The following IL1RAPL1 variants were observed in gnomAD, a reference collection of about 807,000 sequenced individuals.
IL1RAPL1 encodes the protein interleukin-1 receptor accessory protein-like 1.
In IL1RAPL1, 3 loss-of-function variants were observed where a neutral mutation model predicts 48.4. The ratio of observed to expected loss-of-function variants is 0.06; its 90% confidence interval spans 0.03 to 0.16. The LOEUF (loss-of-function observed/expected upper bound fraction) is 0.16. Ranked by LOEUF, IL1RAPL1 falls within the 10% of genes least tolerant of loss-of-function variation. IL1RAPL1 has a pLI of 1.00. For synonymous variants in IL1RAPL1, 185 were observed against 187.7 expected (o/e 0.99, Z 0.12); for missense variants, 349 against 530.6 (o/e 0.66, Z 3.36).
chrX:29,478,241 A>C (rs951677066), intron 5 of IL1RAPL1, among the ~76,000 whole-genome samples: 1 of 112,403 alleles, frequency 8.9e-6, no homozygotes, highest in Non-Finnish European at 1.9e-5. Flanking sequence ...TCTATTTCAG[A>C]AAACGTCAGC....
chrX:28,714,230 A>C (rs945845666), intron 1 of IL1RAPL1, among the ~76,000 whole-genome samples: 1 of 111,456 alleles, frequency 9.0e-6, no homozygotes. Flanking sequence ...CATTTTTCCA[A>C]CTTACACCTT....
intron 3 of IL1RAPL1, among the ~76,000 whole-genome samples, chrX:29,337,239 A>G (rs759985405): frequency 2.0e-4 from 22 of 112,107 alleles, no homozygotes; most frequent in Non-Finnish European, 3.8e-4. Flanking sequence ...AATTATATGC[A>G]TTTTAATGTT....
intron 6 of IL1RAPL1, among the ~76,000 whole-genome samples, chrX:29,804,527 T>C (rs762933553): frequency 7.2e-5 from 8 of 111,414 alleles, no homozygotes; most frequent in African/African-American, 9.8e-5. Flanking sequence ...TCTTGAAATC[T>C]GATGATTTTA....
At chrX:29,332,095 C>CTTTTTTTTTTTTTTTTTTT (rs72360733) in intron 3 of IL1RAPL1, among the ~76,000 whole-genome samples, 3 of 27,889 alleles carry the variant, frequency 1.1e-4, no homozygotes, top group African/African-American at 2.1e-4. Flanking sequence ...ATTCTAAGGT[C>CTTTTTTTTTTTTTTTTTTT]TTTTTTTTTT....
intron 5 of IL1RAPL1, among the ~76,000 whole-genome samples, chrX:29,506,465 C>CCTCCTCCTCCTT (rs1935330924): frequency 9.2e-6 from 1 of 108,144 alleles, no homozygotes; most frequent in African/African-American, 3.4e-5. Flanking sequence ...TCCTCCTCCT[C>CCTCCTCCTCCTT]CTTCTCATTC....
chrX:28,971,062 C>T (rs1442215199), intron 2 of IL1RAPL1, among the ~76,000 whole-genome samples: 3 of 110,865 alleles, frequency 2.7e-5, no homozygotes, highest in African/African-American at 9.8e-5. Context: ...GTAGTTAAGC[C>T]ACACTGCTTT....
At chrX:29,634,754 C>G (rs1427826474) in intron 5 of IL1RAPL1, among the ~76,000 whole-genome samples, 1 of 111,954 alleles carries the variant, frequency 8.9e-6, no homozygotes, top group African/African-American at 3.3e-5. Context: ...CTTTTCATTA[C>G]CTCACTTATA....
chrX:29,236,510 C>CTTTTTTTTTTTTTTCTTTTTT (rs72369187), intron 2 of IL1RAPL1, among the ~76,000 whole-genome samples: 1 of 83,737 alleles, frequency 1.2e-5, no homozygotes, highest in South Asian at 6.0e-4. Context: ...TATTCCTTCT[C>CTTTTTTTTTTTTTTCTTTTTT]TTTTTTTTTT....
chrX:29,889,928 C>CATATG (rs1296679557), intron 6 of IL1RAPL1, among the ~76,000 whole-genome samples: 1 of 109,866 alleles, frequency 9.1e-6, no homozygotes, highest in Non-Finnish European at 1.9e-5. Flanking sequence ...TATACACATA[C>CATATG]ATATGATATA....
intron 2 of IL1RAPL1, among the ~76,000 whole-genome samples, chrX:29,162,202 T>C (rs1193890745): frequency 9.1e-6 from 1 of 110,285 alleles, no homozygotes; most frequent in Non-Finnish European, 1.9e-5. Flanking sequence ...CACGGGGGCC[T>C]GTCTGGGGTT....
intron 2 of IL1RAPL1, among the ~76,000 whole-genome samples, chrX:28,863,031 C>A (rs1921985678): frequency 9.0e-6 from 1 of 110,767 alleles, no homozygotes; most frequent in Admixed American, 9.7e-5. Flanking sequence ...CAGGCACATG[C>A]TACCACACCC....
At chrX:29,919,849 G>A (rs1426815339) in intron 7 of IL1RAPL1, 100 bp from the exon 8 acceptor site, 4 of 805,575 alleles carry the variant, frequency 5.0e-6, no homozygotes, top group South Asian at 2.1e-5. Context: ...CACAGATTTT[G>A]TAGGTAGTTT....
intron 1 of IL1RAPL1, among the ~76,000 whole-genome samples, chrX:28,680,484 C>G (rs1231685788): frequency 9.0e-6 from 1 of 111,152 alleles, no homozygotes; most frequent in Non-Finnish European, 1.9e-5. Context: ...ACTTCTTATA[C>G]TGTGTTGAAG....
chrX:29,931,517 TA>T (rs1252872004), intron 8 of IL1RAPL1, among the ~76,000 whole-genome samples: 19 of 112,041 alleles, frequency 1.7e-4, no homozygotes, highest in African/African-American at 4.9e-4. Flanking sequence ...ATTAAAATAA[TA>T]ACATAAAATT....
chrX:29,673,093 C>T (rs951776167), intron 6 of IL1RAPL1, among the ~76,000 whole-genome samples: 7 of 111,846 alleles, frequency 6.3e-5, no homozygotes, highest in Non-Finnish European at 1.1e-4. Flanking sequence ...ACTGTAGTTG[C>T]AGAATTTTAG....
rs1218314424 is a variant in IL1RAPL1, at chrX:29,158,940, CTCCCTCCCTCTCCCTCTCTCTCT to C, written c.83-123997_83-123975del. Among the ~76,000 whole-genome samples, 244 of 59,544 alleles carry C rather than the reference CTCCCTCCCTCTCCCTCTCTCTCT, an allele frequency of 4.1e-3. 1 individual carries two copies. The highest frequency in any genetic ancestry group is 0.015 in the African/African-American group (216 of 14,224). The allele number at this position is 59,544 out of a possible 115,157, so 51.7% of individuals were successfully genotyped here. A position where few individuals can be genotyped will look rare whatever the true frequency, so the allele number is the denominator to read the frequency against. On this transcript the variant is annotated intron_variant, in intron 2 of 10. Coordinates refer to ENST00000378993, the MANE Select transcript of IL1RAPL1 (RefSeq NM_014271.4). ...TCTCTCTCTCTCTCTCTCCCCCCCC[CTCCCTCCCTCTCCCTCTCTCTCT>C]CTCTCTCTCTTTCCTTTCTTTCTTT...
intron 5 of IL1RAPL1, among the ~76,000 whole-genome samples, chrX:29,606,280 A>G (rs750294972): frequency 8.9e-6 from 1 of 111,779 alleles, no homozygotes; most frequent in Non-Finnish European, 1.9e-5. Flanking sequence ...AAGTCTATGA[A>G]TGAAAAAAAA....
At chrX:29,953,545 C>T (rs1253909507) in intron 9 of IL1RAPL1, among the ~76,000 whole-genome samples, 2 of 111,919 alleles carry the variant, frequency 1.8e-5, no homozygotes, top group Non-Finnish European at 3.8e-5. Flanking sequence ...CTTTTACTTA[C>T]ATTCTACTTC....
chrX:29,643,458 A>T (rs753579194), intron 5 of IL1RAPL1, among the ~76,000 whole-genome samples: 1 of 112,192 alleles, frequency 8.9e-6, no homozygotes, highest in East Asian at 2.8e-4. Context: ...GCACTTTTTA[A>T]TCCAAGCAAG....
Sources: gnomAD v4.1 joint callset for allele counts (sites outside exome capture counted in the v4.1 genomes callset) on GRCh38, gnomAD v4.1.1 for gene constraint, MANE v1.5 for transcripts, NCBI Gene and HGNC (gene_info 2026-07-23, HGNC 2026-07-21) for gene names.